MAGI1: variants seen among roughly 807,000 people sequenced by gnomAD.
MAGI1 encodes membrane associated guanylate kinase, WW and PDZ domain containing 1, also known as membrane-associated guanylate kinase, WW and PDZ domain-containing protein 1.
Under a neutral mutation model 139.9 loss-of-function variants are expected in MAGI1, and 58 were observed. The ratio of observed to expected loss-of-function variants is 0.41; its 90% confidence interval spans 0.34 to 0.52. MAGI1 has a LOEUF of 0.52. Ranked by LOEUF, MAGI1 falls within the 20% of genes least tolerant of loss-of-function variation. The pLI is 0.12. For synonymous variants in MAGI1, 812 were observed against 737.9 expected (o/e 1.10, Z -1.63); for missense variants, 1,874 against 1,901.6 (o/e 0.99, Z 0.27).
At chr3:65,543,776 T>C (rs2079366020) in intron 2 of MAGI1, among the ~76,000 whole-genome samples, 1 of 151,850 alleles carries the variant, frequency 6.6e-6, no homozygotes, top group Non-Finnish European at 1.5e-5. Context: ...ACAAGAGGGA[T>C]AGCATTTGGA....
intron 2 of MAGI1, among the ~76,000 whole-genome samples, chr3:65,590,565 T>TC (rs1286577739): frequency 6.6e-6 from 1 of 152,184 alleles, no homozygotes; most frequent in Non-Finnish European, 1.5e-5. Context: ...ATTCAAAATT[T>TC]CCCCTTTTAA....
intron 3 of MAGI1, among the ~76,000 whole-genome samples, chr3:65,480,602 T>C (rs1261409145): frequency 7.1e-6 from 1 of 140,564 alleles, no homozygotes. Context: ...TTTTTTTTTT[T>C]TGAGATGGAG....
At position 65,869,127 on chromosome 3, in the gene MAGI1, C is replaced by T. The variant is rs540992349; in HGVS notation, c.313+168869G>A. Among the ~76,000 whole-genome samples, 9 of 149,228 alleles carry T rather than the reference C, an allele frequency of 6.0e-5. No homozygotes were observed. The South Asian group carries it at 1.1e-3, about 19-fold the overall frequency. ...AAAATTAGCAGGGCGTGGTGGCAGG[C>T]GCCTGTAGTCCCAGCTACTCGGAGA... On this transcript the variant is annotated intron_variant, in intron 1 of 22. Transcript: ENST00000402939.
At position 65,581,866 on chromosome 3, in the gene MAGI1, C is replaced by T. The variant is rs1342057989; in HGVS notation, c.430+40106G>A. On this transcript the variant is annotated intron_variant, in intron 2 of 22. Coordinates refer to ENST00000402939, the MANE Select transcript of MAGI1 (RefSeq NM_001033057.2). ...TGACCTCCAGCTAGAATCTTAAACT[C>T]CCTGAGAACAACAATTTTCCTTCCA... Among the ~76,000 whole-genome samples the T allele has an allele frequency of 2.0e-5, 3 of 152,238 alleles. No homozygotes were observed. The South Asian group carries it at 6.2e-4, about 32-fold the overall frequency.
chr3:66,006,390 A>G (rs1326268224), intron 1 of MAGI1, among the ~76,000 whole-genome samples: 1 of 152,208 alleles, frequency 6.6e-6, no homozygotes, highest in African/African-American at 2.4e-5. Flanking sequence ...AGCTTCTCCT[A>G]AAGTCAAACA....
chr3:65,439,623 A>G (rs1463097134), intron 9 of MAGI1, among the ~76,000 whole-genome samples: 4 of 152,152 alleles, frequency 2.6e-5, no homozygotes, highest in African/African-American at 9.7e-5. Flanking sequence ...CCCCCATCAG[A>G]AAGTTCTCTG....
intron 1 of MAGI1, among the ~76,000 whole-genome samples, chr3:65,816,638 G>GA (rs11295080): frequency 1.0e-3 from 143 of 142,442 alleles, no homozygotes; most frequent in Non-Finnish European, 9.7e-4. Context: ...GCTAACAGGG[G>GA]AAAAAAAAAA....
chr3:65,375,321 T>A (rs1436108916), intron 18 of MAGI1, among the ~76,000 whole-genome samples: 1 of 152,026 alleles, frequency 6.6e-6, no homozygotes, highest in Non-Finnish European at 1.5e-5. Context: ...CCCGAGCAGC[T>A]GGGACTACAG....
chr3:65,995,064 A>G (rs1027658386), intron 1 of MAGI1, among the ~76,000 whole-genome samples: 7 of 152,170 alleles, frequency 4.6e-5, no homozygotes, highest in Non-Finnish European at 1.0e-4. Flanking sequence ...CCATCCACAT[A>G]TAAGTTTCTC....
intron 9 of MAGI1, among the ~76,000 whole-genome samples, chr3:65,437,532 T>C (rs1271347703): frequency 1.3e-5 from 2 of 151,890 alleles, no homozygotes; most frequent in Non-Finnish European, 2.9e-5. Context: ...AGGAAAGACA[T>C]ACAGTCAACT....
At chr3:65,862,860 G>A (rs2059600155) in intron 1 of MAGI1, among the ~76,000 whole-genome samples, 2 of 152,296 alleles carry the variant, frequency 1.3e-5, no homozygotes, top group East Asian at 1.9e-4. Context: ...CACAGATTAA[G>A]TCACAGAGGT....
intron 1 of MAGI1, among the ~76,000 whole-genome samples, chr3:65,889,603 T>C (rs1196147083): frequency 6.6e-6 from 1 of 152,198 alleles, no homozygotes; most frequent in Non-Finnish European, 1.5e-5. Flanking sequence ...CCAGAAACAG[T>C]AGTCTGCATT....
intron 1 of MAGI1, chr3:65,719,944 G>C (rs992767892): frequency 1.3e-5 from 2 of 152,152 alleles, no homozygotes; most frequent in African/African-American, 4.8e-5. Flanking sequence ...CTTCTTAATT[G>C]TCTATAGTTT....
chr3:65,757,997 G>C (rs567524821), intron 1 of MAGI1, among the ~76,000 whole-genome samples: 2 of 152,276 alleles, frequency 1.3e-5, no homozygotes, highest in Admixed American at 6.5e-5. Flanking sequence ...AAACTGGCTT[G>C]AGAGACCCAT....
intron 2 of MAGI1, among the ~76,000 whole-genome samples, chr3:65,515,966 A>G (rs2077853086): frequency 6.6e-6 from 1 of 152,202 alleles, no homozygotes; most frequent in African/African-American, 2.4e-5. Context: ...AAATCTTTAC[A>G]GGGGCACAGG....
At chr3:65,609,843 T>A (rs374564087) in intron 2 of MAGI1, 1 of 260,552 alleles carries the variant, frequency 3.8e-6, no homozygotes. Context: ...TCCCAAAGTG[T>A]TGGGATTATA....
chr3:65,544,032 T>C (rs2079383499), intron 2 of MAGI1, among the ~76,000 whole-genome samples: 2 of 152,164 alleles, frequency 1.3e-5, no homozygotes, highest in African/African-American at 4.8e-5. Flanking sequence ...TATGAGTATA[T>C]ATGGGGAAAG....
chr3:65,825,226 T>C (rs1270114421), intron 1 of MAGI1, among the ~76,000 whole-genome samples: 3 of 152,218 alleles, frequency 2.0e-5, no homozygotes, highest in South Asian at 2.1e-4. Context: ...TTTTGGCCCA[T>C]GGCACATTCT....
At chr3:65,949,510 T>G (rs1022380162) in intron 1 of MAGI1, among the ~76,000 whole-genome samples, 21 of 152,218 alleles carry the variant, frequency 1.4e-4, no homozygotes, top group Non-Finnish European at 2.6e-4. Context: ...GAAATGTACT[T>G]TTTATTGTTG....
Sources: allele counts gnomAD v4.1 joint callset (sites outside exome capture counted in the v4.1 genomes callset), GRCh38; gene constraint gnomAD v4.1.1; transcripts MANE v1.5; gene names NCBI Gene and HGNC (gene_info 2026-07-23, HGNC 2026-07-21).